DDB2: variants seen among roughly 807,000 people sequenced by gnomAD.
DDB2 encodes the protein DNA damage-binding protein 2.
In DDB2, 27 loss-of-function variants were observed where a neutral mutation model predicts 50.5. That is an observed-to-expected ratio of 0.53 (90% CI 0.39 to 0.74). The LOEUF is 0.74. Among genes scored for constraint, DDB2 ranks in the 30% least tolerant of loss-of-function variants. The pLI, the probability that DDB2 is intolerant of heterozygous loss-of-function variation, is 0.00. For synonymous variants in DDB2, 176 were observed against 205.5 expected (o/e 0.86, Z 1.23); for missense variants, 424 against 545.6 (o/e 0.78, Z 2.22).
At chr11:47,223,233 C>T (rs1405031244) in intron 3 of DDB2, among the ~76,000 whole-genome samples, 1 of 152,140 alleles carries the variant, frequency 6.6e-6, no homozygotes, top group African/African-American at 2.4e-5. Context: ...GCCTGTAATC[C>T]CAGCATTTTG....
chr11:47,238,685 A>G, intron 9 of DDB2, 115 bp from the exon 10 acceptor site: 3 of 1,159,474 alleles, frequency 2.6e-6, no homozygotes, highest in Non-Finnish European at 3.8e-6. Flanking sequence ...GACTTGAGCC[A>G]CCGCGCCCGG....
chr11:47,222,446 C>T (rs1565152131), intron 3 of DDB2, among the ~76,000 whole-genome samples: 2 of 152,032 alleles, frequency 1.3e-5, no homozygotes, highest in Non-Finnish European at 2.9e-5. Context: ...TCAGCTCAAG[C>T]GATTCTCCCA....
At chr11:47,224,422 A>T (rs1200657326) in intron 3 of DDB2, among the ~76,000 whole-genome samples, 2 of 151,402 alleles carry the variant, frequency 1.3e-5, no homozygotes, top group Admixed American at 6.6e-5. Flanking sequence ...TTTTTATTTT[A>T]TTTTTTTAGT....
intron 3 of DDB2, among the ~76,000 whole-genome samples, chr11:47,232,071 C>T (rs1403174723): frequency 2.6e-5 from 4 of 151,984 alleles, no homozygotes; most frequent in South Asian, 2.1e-4. Flanking sequence ...AGGCGGGGCA[C>T]GGTGGCTCAC....
At chr11:47,232,570 T>C (rs944054312) in intron 3 of DDB2, among the ~76,000 whole-genome samples, 1 of 151,788 alleles carries the variant, frequency 6.6e-6, no homozygotes, top group Non-Finnish European at 1.5e-5. Flanking sequence ...GCCCAGGAGA[T>C]TGAGGCTGCA....
rs749034260 is a variant in DDB2, at chr11:47,215,219, T to A, written c.83T>A (p.Leu28Gln). ...AGGAACAAGAGGAGCAGGAGTCCCCTGGAGCTGGAGCCCGAGGCCAAGAAG... is the reference window on the plus strand; with the variant it reads ...AGGAACAAGAGGAGCAGGAGTCCCCAGGAGCTGGAGCCCGAGGCCAAGAAG... ...RPRNKRSRSPLELEPEAKKLC... is the reference protein window; with the variant it reads ...RPRNKRSRSPQELEPEAKKLC... Residue 28 changes from leucine to glutamine, a missense_variant, in exon 1 of 10, where the codon CTG (leucine) becomes CAG (glutamine). Transcript: ENST00000256996. 9.3e-6 allele frequency: 15 copies of A among 1,613,804 alleles called. 1 individual carries two copies. Among genetic ancestry groups the A allele is most frequent in the Non-Finnish European group, 6.8e-6 (8 of 1,179,998 alleles).
At chr11:47,222,656 G>C (rs1953503232) in intron 3 of DDB2, among the ~76,000 whole-genome samples, 1 of 152,148 alleles carries the variant, frequency 6.6e-6, no homozygotes, top group Admixed American at 6.6e-5. Context: ...ACATTGTACT[G>C]ATATGATACA....
intron 3 of DDB2, among the ~76,000 whole-genome samples, chr11:47,223,680 G>C (rs1224195295): frequency 1.3e-5 from 2 of 152,142 alleles, no homozygotes; most frequent in East Asian, 3.8e-4. Flanking sequence ...TACTTGGGAG[G>C]CTGAGGCAGG....
intron 3 of DDB2, among the ~76,000 whole-genome samples, chr11:47,227,743 G>A (rs2957873): frequency 0.69 from 104,969 of 151,894 alleles, 37,677 homozygotes; most frequent in Middle Eastern, 0.82. Flanking sequence ...CATATTTATC[G>A]TTTTTAAATA....
intron 9 of DDB2, 38 bp from the exon 10 acceptor site, chr11:47,238,762 A>G: frequency 6.2e-7 from 1 of 1,611,330 alleles, no homozygotes. Flanking sequence ...GAGATTGGTA[A>G]CAGAAAGTGT....
intron 3 of DDB2, among the ~76,000 whole-genome samples, chr11:47,218,154 C>T (rs377551734): frequency 4.6e-5 from 7 of 152,170 alleles, no homozygotes; most frequent in Non-Finnish European, 8.8e-5. Flanking sequence ...ACTCCTCCAC[C>T]GTCATTCCCT....
intron 3 of DDB2, among the ~76,000 whole-genome samples, chr11:47,230,595 T>C (rs1263061275): frequency 6.6e-6 from 1 of 152,200 alleles, no homozygotes; most frequent in African/African-American, 2.4e-5. Context: ...ATTGTCATAC[T>C]ACCAGCAAGC....
intron 3 of DDB2, 193 bp downstream of exon 3, chr11:47,217,242 G>A (rs1953413241): frequency 4.0e-6 from 2 of 504,566 alleles, no homozygotes; most frequent in Admixed American, 5.7e-5. Context: ...TGGGTGTGGT[G>A]GCAGGCGCCT....
intron 3 of DDB2, among the ~76,000 whole-genome samples, chr11:47,231,314 C>A (rs1953646217): frequency 6.6e-6 from 1 of 152,086 alleles, no homozygotes; most frequent in African/African-American, 2.4e-5. Flanking sequence ...AGCCACTGCT[C>A]TGAGCTGAAG....
rs141994037 is a variant in DDB2, at chr11:47,234,484, C to A, written c.603-89C>A. 3.8e-3 allele frequency: 3,736 copies of A among 984,374 alleles called. 8 individuals carry two copies. The highest frequency in any genetic ancestry group is 5.4e-3 in the Non-Finnish European group (3,241 of 605,330). The allele number at this position is 984,374 out of a possible 1,614,324, so 61.0% of individuals were successfully genotyped here. On this transcript the variant is annotated intron_variant, in intron 4 of 9. Transcript: ENST00000256996. ...ATTCAACAAATATTTATTGAATGCC[C>A]GCTGTGGGTTAGTCACCGGAGCGGC...
At chr11:47,230,569 C>T (rs1953632600) in intron 3 of DDB2, among the ~76,000 whole-genome samples, 1 of 152,112 alleles carries the variant, frequency 6.6e-6, no homozygotes, top group South Asian at 2.1e-4. Flanking sequence ...TAGAACTCAA[C>T]TGGAGGGAGC....
At chr11:47,219,618 C>T (rs1028009606) in intron 3 of DDB2, among the ~76,000 whole-genome samples, 14 of 152,222 alleles carry the variant, frequency 9.2e-5, no homozygotes, top group East Asian at 1.9e-4. Context: ...CCAAATTGCT[C>T]GGGATTACAG....
chr11:47,225,216 A>G (rs1427389123), intron 3 of DDB2, among the ~76,000 whole-genome samples: 1 of 150,416 alleles, frequency 6.6e-6, no homozygotes. Flanking sequence ...CTGGGATTAC[A>G]GGCTTGAGAC....
At chr11:47,238,050 C>A in intron 8 of DDB2, 49 bp downstream of exon 8, 1 of 1,613,368 alleles carries the variant, frequency 6.2e-7, no homozygotes. Flanking sequence ...GGGATTCAAC[C>A]TACCTTATTG....
Sources: gnomAD v4.1 joint callset for allele counts (sites outside exome capture counted in the v4.1 genomes callset) on GRCh38, gnomAD v4.1.1 for gene constraint, MANE v1.5 for transcripts, NCBI Gene and HGNC (gene_info 2026-07-23, HGNC 2026-07-21) for gene names.